The following ZC3H12B variants were observed in gnomAD, a reference collection of about 807,000 sequenced individuals.
ZC3H12B encodes probable ribonuclease ZC3H12B.
ZC3H12B carries 7 observed loss-of-function variants against 43.9 expected under a neutral mutation model. The observed-to-expected ratio is 0.16, with a 90% CI of 0.09 to 0.30. The LOEUF (loss-of-function observed/expected upper bound fraction) is 0.30, where lower values mean the gene tolerates loss of function less well. Ranked by LOEUF, ZC3H12B falls within the 10% of genes least tolerant of loss-of-function variation. The probability of loss-of-function intolerance (pLI) is 1.00; values close to 1 mark genes in which losing one functional copy is unlikely to be tolerated. For synonymous variants in ZC3H12B, 222 were observed against 241.7 expected (o/e 0.92, Z 0.76); for missense variants, 475 against 670.2 (o/e 0.71, Z 3.22).
At chrX:65,230,785 G>A in the ZC3H12B span, among the ~76,000 whole-genome samples, 1 of 110,969 alleles carries the variant, frequency 9.0e-6, no homozygotes, top group Non-Finnish European at 1.9e-5. Flanking sequence ...AATGCTTAAG[G>A]GAATTCTGGA....
the ZC3H12B span, chrX:65,186,179 C>T: frequency 9.0e-6 from 1 of 111,222 alleles, no homozygotes; most frequent in Non-Finnish European, 1.9e-5. Flanking sequence ...GCCCTAGTTG[C>T]TATGGTTTTC....
the ZC3H12B span, among the ~76,000 whole-genome samples, chrX:65,157,531 C>T: frequency 9.9e-5 from 11 of 111,464 alleles, no homozygotes; most frequent in East Asian, 3.1e-3. Flanking sequence ...TTTCTGTCAG[C>T]TAGTATTTAC....
chrX:65,198,647 T>A, the ZC3H12B span, among the ~76,000 whole-genome samples: 34 of 111,941 alleles, frequency 3.0e-4, no homozygotes, highest in Admixed American at 3.2e-3. Context: ...TTGACCTCCA[T>A]GAGTTTGAAA....
intron 2 of ZC3H12B, among the ~76,000 whole-genome samples, chrX:65,378,606 G>A (rs193212735): frequency 8.9e-6 from 1 of 112,362 alleles, no homozygotes; most frequent in African/African-American, 3.2e-5. Flanking sequence ...TGGGGGAGGA[G>A]CCAAGATGGC....
At chrX:65,258,099 G>A in the ZC3H12B span, among the ~76,000 whole-genome samples, 2 of 111,368 alleles carry the variant, frequency 1.8e-5, no homozygotes, top group Non-Finnish European at 3.8e-5. Context: ...GAAAACTTCA[G>A]GCCAGTTTCC....
chrX:65,353,041 C>T, the ZC3H12B span, among the ~76,000 whole-genome samples: 7 of 108,001 alleles, frequency 6.5e-5, no homozygotes, highest in Admixed American at 6.9e-4. Flanking sequence ...TGTGTGTGTG[C>T]GTATGGGATT....
the ZC3H12B span, among the ~76,000 whole-genome samples, chrX:65,163,181 G>T: frequency 9.0e-6 from 1 of 111,165 alleles, no homozygotes; most frequent in Non-Finnish European, 1.9e-5. Context: ...GCCCCTACTG[G>T]GGGGTGCCTC....
chrX:65,147,206 G>A, the ZC3H12B span, among the ~76,000 whole-genome samples: 1 of 112,088 alleles, frequency 8.9e-6, no homozygotes, highest in South Asian at 3.7e-4. Flanking sequence ...CTGACTTTGG[G>A]AAAGCCCTTC....
the ZC3H12B span, among the ~76,000 whole-genome samples, chrX:65,318,979 A>G: frequency 9.0e-6 from 1 of 111,617 alleles, no homozygotes; most frequent in East Asian, 2.8e-4. Context: ...AGTTAAAAAT[A>G]TATCAAATGA....
intron 2 of ZC3H12B, among the ~76,000 whole-genome samples, chrX:65,382,331 A>C (rs778017197): frequency 1.7e-3 from 186 of 110,404 alleles, no homozygotes; most frequent in African/African-American, 5.8e-3. Context: ...CCAGCATATA[A>C]ACCGAACCAA....
chrX:65,456,564 G>C (rs1223867854), intron 3 of ZC3H12B, among the ~76,000 whole-genome samples: 3 of 105,223 alleles, frequency 2.9e-5, no homozygotes, highest in Non-Finnish European at 5.9e-5. Context: ...TCAGCCTGCC[G>C]AGTGCCTGCG....
At chrX:65,379,722 G>A (rs186609876) in intron 2 of ZC3H12B, among the ~76,000 whole-genome samples, 3,197 of 111,485 alleles carry the variant, frequency 0.029, 107 homozygotes, top group African/African-American at 0.099. Flanking sequence ...AAATTTAGAC[G>A]AATGTATAAC....
chrX:65,138,678 T>C, the ZC3H12B span, among the ~76,000 whole-genome samples: 1 of 112,252 alleles, frequency 8.9e-6, no homozygotes, highest in African/African-American at 3.2e-5. Flanking sequence ...TTTTTCATGA[T>C]GGCTGCATTA....
the ZC3H12B span, among the ~76,000 whole-genome samples, chrX:65,084,341 A>T: frequency 1.8e-5 from 2 of 111,815 alleles, no homozygotes; most frequent in African/African-American, 6.5e-5. Context: ...GGGAGAAAAT[A>T]TTTTCAATGT....
At chrX:65,249,727 C>A in the ZC3H12B span, among the ~76,000 whole-genome samples, 2 of 105,339 alleles carry the variant, frequency 1.9e-5, no homozygotes, top group African/African-American at 6.9e-5. Context: ...TCTATGATTT[C>A]TTTCATCAGT....
At chrX:65,377,958 G>A (rs1602342387) in intron 2 of ZC3H12B, among the ~76,000 whole-genome samples, 1 of 110,563 alleles carries the variant, frequency 9.0e-6, no homozygotes, top group East Asian at 2.8e-4. Flanking sequence ...AATTAACCGG[G>A]CATGGTGGCT....
At chrX:65,243,467 CAA>C in the ZC3H12B span, among the ~76,000 whole-genome samples, 1 of 111,266 alleles carries the variant, frequency 9.0e-6, no homozygotes, top group Non-Finnish European at 1.9e-5. Context: ...AAAAAAATAA[CAA>C]GAGATGCTGG....
chrX:65,176,452 G>T, the ZC3H12B span, among the ~76,000 whole-genome samples: 1 of 111,468 alleles, frequency 9.0e-6, no homozygotes, highest in South Asian at 3.8e-4. Flanking sequence ...GGCAGTTGTG[G>T]GCGCAACTTC....
chrX:65,239,314 C>T, the ZC3H12B span, among the ~76,000 whole-genome samples: 1 of 110,977 alleles, frequency 9.0e-6, no homozygotes, highest in Non-Finnish European at 1.9e-5. Flanking sequence ...ACCCCATTTA[C>T]CATTATGTAA....
Sources: gnomAD v4.1 joint callset for allele counts (sites outside exome capture counted in the v4.1 genomes callset) on GRCh38, gnomAD v4.1.1 for gene constraint, MANE v1.5 for transcripts, NCBI Gene and HGNC (gene_info 2026-07-23, HGNC 2026-07-21) for gene names.